TRERF1: variants seen among roughly 807,000 people sequenced by gnomAD.
TRERF1 encodes the protein transcriptional-regulating factor 1.
Under a neutral mutation model 122.9 loss-of-function variants are expected in TRERF1, and 27 were observed. That is an observed-to-expected ratio of 0.22 (90% CI 0.16 to 0.30). The LOEUF (loss-of-function observed/expected upper bound fraction) is 0.30. Ranked by LOEUF, TRERF1 falls within the 10% of genes least tolerant of loss-of-function variation. The pLI, the probability that TRERF1 is intolerant of heterozygous loss-of-function variation, is 1.00. For missense variants in TRERF1, 1,248 were observed against 1,560.3 expected (o/e 0.80, Z 3.37); for synonymous variants, 636 against 641.7 (o/e 0.99, Z 0.13).
At chr6:42,366,320 C>A (rs1581812670) in intron 2 of TRERF1, among the ~76,000 whole-genome samples, 1 of 152,248 alleles carries the variant, frequency 6.6e-6, no homozygotes, top group Non-Finnish European at 1.5e-5. Flanking sequence ...ATCCACAGAA[C>A]AATTCTGATG....
chr6:42,430,881 C>G (rs1784391033), intron 2 of TRERF1, among the ~76,000 whole-genome samples: 1 of 133,388 alleles, frequency 7.5e-6, no homozygotes, highest in African/African-American at 2.8e-5. Flanking sequence ...GGAGACAGAG[C>G]AAGACTCCAT....
intron 3 of TRERF1, among the ~76,000 whole-genome samples, chr6:42,338,047 T>C (rs1428159204): frequency 6.6e-6 from 1 of 152,120 alleles, no homozygotes. Context: ...CAGGTGATTG[T>C]GGGCACGTGA....
intron 3 of TRERF1, among the ~76,000 whole-genome samples, chr6:42,303,735 T>C (rs1052957603): frequency 1.3e-5 from 2 of 151,726 alleles, no homozygotes; most frequent in East Asian, 1.9e-4. Flanking sequence ...GGCAACATGG[T>C]GAAACCCCAT....
intron 4 of TRERF1, among the ~76,000 whole-genome samples, chr6:42,294,889 T>A (rs2150181579): frequency 6.6e-6 from 1 of 152,262 alleles, no homozygotes; most frequent in African/African-American, 2.4e-5. Flanking sequence ...ATGGGCAAGG[T>A]CAGTTGGATG....
chr6:42,284,475 C>A (rs1264691112), intron 4 of TRERF1, among the ~76,000 whole-genome samples: 2 of 152,220 alleles, frequency 1.3e-5, no homozygotes, highest in African/African-American at 2.4e-5. Flanking sequence ...AAATGTGTCG[C>A]CTGTCACACA....
chr6:42,399,492 C>G (rs1779091733), intron 2 of TRERF1, among the ~76,000 whole-genome samples: 1 of 152,108 alleles, frequency 6.6e-6, no homozygotes. Context: ...GAATGGAAGC[C>G]AACACCCAAA....
At chr6:42,292,985 A>C (rs1167249158) in intron 4 of TRERF1, among the ~76,000 whole-genome samples, 1 of 152,188 alleles carries the variant, frequency 6.6e-6, no homozygotes, top group Non-Finnish European at 1.5e-5. Context: ...ACTTTTAGTT[A>C]CAGCCTTTCC....
At chr6:42,326,746 GC>G (rs1487588827) in intron 3 of TRERF1, among the ~76,000 whole-genome samples, 1 of 152,144 alleles carries the variant, frequency 6.6e-6, no homozygotes, top group Non-Finnish European at 1.5e-5. Context: ...ATGATAGAAA[GC>G]AAAACAATGC....
chr6:42,414,713 A>C (rs1293531781), intron 2 of TRERF1, among the ~76,000 whole-genome samples: 1 of 152,112 alleles, frequency 6.6e-6, no homozygotes, highest in Non-Finnish European at 1.5e-5. Flanking sequence ...TGTGCAATGC[A>C]CTCCGTTATC....
rs564431161 is a variant in TRERF1 at position 42,311,861 on chromosome 6, A to G, written c.-370-11112T>C. ...ACTTTTCACGTGGAGAACAAACTAC[A>G]AGAGGACAAGAGTGGAGAAAGCTGT... On this transcript the variant is annotated intron_variant, in intron 3 of 17. Coordinates refer to ENST00000372922, the Ensembl canonical transcript of TRERF1. Among the ~76,000 whole-genome samples the G allele has an allele frequency of 1.1e-4, 17 of 152,158 alleles. No individual in the cohort carries two copies. The East Asian group carries it at 3.3e-3, about 29-fold the overall frequency.
chr6:42,451,004 G>A (rs2151857025), intron 2 of TRERF1, among the ~76,000 whole-genome samples, 173 bp downstream of exon 2: 1 of 152,172 alleles, frequency 6.6e-6, no homozygotes, highest in South Asian at 2.1e-4. Flanking sequence ...AGCCCGGAGA[G>A]GGAAGAAGGG....
chr6:42,267,337 A>G (rs961824441), intron 5 of TRERF1, among the ~76,000 whole-genome samples: 2 of 152,104 alleles, frequency 1.3e-5, no homozygotes, highest in Non-Finnish European at 2.9e-5. Context: ...CTGTCTAAAA[A>G]AAGAAAAAAG....
At chr6:42,329,937 C>T (rs1396742930) in intron 3 of TRERF1, among the ~76,000 whole-genome samples, 2 of 151,698 alleles carry the variant, frequency 1.3e-5, no homozygotes, top group African/African-American at 2.4e-5. Flanking sequence ...TGCAGTGAGC[C>T]GAGATTGTAC....
In TRERF1 at chr6:42,263,112, G is replaced by C. The variant is rs1008961160; in HGVS notation, c.1884+208C>G. ...ATGGGGAGCAGGCAGTGTGAACAAG[G>C]GTAGGGTTCCCAATGTGGCCACGGG... On this transcript the variant is annotated intron_variant, in intron 8 of 17. Transcript: ENST00000372922. This position sits in a 1 kb window ranked among gnomAD's most constrained non-coding sequence, Gnocchi z 5.6. 9 of 1,282,010 alleles carry C rather than the reference G, an allele frequency of 7.0e-6. No individual in the cohort carries two copies. In the African/African-American group the frequency reaches 1.2e-4, roughly 17 times the overall value. The allele number at this position is 1,282,010 out of a possible 1,614,324, so 79.4% of individuals were successfully genotyped here.
intron 3 of TRERF1, among the ~76,000 whole-genome samples, chr6:42,305,202 C>G (rs748077874): frequency 1.6e-4 from 25 of 152,142 alleles, no homozygotes; most frequent in Non-Finnish European, 2.9e-4. Flanking sequence ...GGGCCAAATC[C>G]CATCCTCTTT....
intron 2 of TRERF1, among the ~76,000 whole-genome samples, chr6:42,443,368 G>A (rs1786876263): frequency 6.6e-6 from 1 of 152,240 alleles, no homozygotes; most frequent in Admixed American, 6.5e-5. Flanking sequence ...AGCCCGATTA[G>A]TGAAAAGCAC....
rs1170947215 is a variant in TRERF1 at position 42,364,751 on chromosome 6, T to C, written c.-453-1672A>G. Among the ~76,000 whole-genome samples the C allele has an allele frequency of 3.3e-5, 5 of 152,154 alleles. No individual in the cohort carries two copies. In the East Asian group the frequency reaches 5.8e-4, roughly 18 times the overall value. ...TGGACCAGGCATAAGCCCCCACCAG[T>C]GGAGGCCAGCCTGCGTGGGCTATGT... On this transcript the variant is annotated intron_variant, in intron 2 of 17. Coordinates refer to ENST00000372922, the Ensembl canonical transcript of TRERF1.
intron 3 of TRERF1, among the ~76,000 whole-genome samples, chr6:42,302,908 C>T (rs924310403): frequency 2.6e-5 from 4 of 152,180 alleles, no homozygotes; most frequent in Non-Finnish European, 4.4e-5. Flanking sequence ...GTCTTATGGG[C>T]AAGAGTTTGT....
intron 2 of TRERF1, among the ~76,000 whole-genome samples, chr6:42,390,442 T>C (rs1424374252): frequency 6.6e-6 from 1 of 151,884 alleles, no homozygotes; most frequent in African/African-American, 2.4e-5. Flanking sequence ...TATGTGATTT[T>C]AAAAAGAAAA....
Sources: gnomAD v4.1 joint callset for allele counts (sites outside exome capture counted in the v4.1 genomes callset) on GRCh38, gnomAD v4.1.1 for gene constraint, Gnocchi (gnomAD v3.1) non-coding constraint, MANE v1.5 for transcripts, NCBI Gene and HGNC (gene_info 2026-07-23, HGNC 2026-07-21) for gene names.